Variants in TGFBI observed in about 807,000 individuals in gnomAD.
The protein encoded by TGFBI is transforming growth factor-beta-induced protein ig-h3.
In TGFBI, 50 loss-of-function variants were observed where a neutral mutation model predicts 73.7. The ratio of observed to expected loss-of-function variants is 0.68; its 90% CI spans 0.54 to 0.86. The LOEUF (loss-of-function observed/expected upper bound fraction) is 0.86, where lower values mean the gene tolerates loss of function less well. Ranked by LOEUF, TGFBI falls within the 40% of genes least tolerant of loss-of-function variation. TGFBI has a pLI of 0.00. For missense variants in TGFBI, 839 were observed against 877.0 expected, an observed-to-expected ratio of 0.96 and a Z score of 0.55; for synonymous variants, 362 against 360.5, an observed-to-expected ratio of 1.00 and a Z score of -0.05.
intron 1 of TGFBI, among the ~76,000 whole-genome samples, chr5:136,029,449 A>G (rs1419257397): frequency 6.6e-6 from 1 of 152,184 alleles, no homozygotes; most frequent in Admixed American, 6.5e-5. Flanking sequence ...CTTTCGACGC[A>G]GGCCAAGAGC....
intron 12 of TGFBI, among the ~76,000 whole-genome samples, chr5:136,057,436 G>T (rs1389843764): frequency 1.3e-5 from 2 of 152,118 alleles, no homozygotes; most frequent in African/African-American, 4.8e-5. Context: ...TTTGGCAGGG[G>T]ATCTAGTGGT....
chr5:136,035,624 C>CAAAA (rs1191524920), intron 2 of TGFBI, among the ~76,000 whole-genome samples: 2 of 71,808 alleles, frequency 2.8e-5, no homozygotes, highest in East Asian at 4.3e-4. Context: ...GACACCGTCT[C>CAAAA]AAAAAAAAAA....
rs759594015 is a variant in TGFBI, at chr5:136,054,097, A to T, written c.1264+17A>T. ...TATTCAAAGGTAACATGGGGAAGGCATCCCTGTTAGATTGTCCCTGGAGGC... is the reference window on the plus strand; with the variant it reads ...TATTCAAAGGTAACATGGGGAAGGCTTCCCTGTTAGATTGTCCCTGGAGGC... On this transcript the variant is annotated intron_variant, in intron 9 of 16. Transcript: ENST00000442011. 1.2e-6 allele frequency: 2 copies of T among 1,610,290 alleles called. No individual in the cohort carries two copies. Among genetic ancestry groups the T allele is most frequent in the African/African-American group, 1.3e-5 (1 of 74,956 alleles).
At chr5:136,032,182 T>G (rs1017939787) in intron 1 of TGFBI, among the ~76,000 whole-genome samples, 1 of 152,164 alleles carries the variant, frequency 6.6e-6, no homozygotes, top group African/African-American at 2.4e-5. Flanking sequence ...GAGGATTTGG[T>G]CAGGCCCAGC....
intron 16 of TGFBI, 139 bp downstream of exon 16, chr5:136,062,826 G>A: frequency 1.1e-6 from 1 of 938,622 alleles, no homozygotes; most frequent in Non-Finnish European, 1.6e-6. Context: ...AGTCAGAACA[G>A]CAGGGTGACT....
chr5:136,061,760 C>G (rs983676469), intron 15 of TGFBI, 181 bp downstream of exon 15: 1 of 666,486 alleles, frequency 1.5e-6, no homozygotes, highest in Non-Finnish European at 2.7e-6. Context: ...AGTAAAGAAC[C>G]AAGGCAACTC....
chr5:136,043,995 C>A (rs1580712983), intron 2 of TGFBI, 63 bp from the exon 3 acceptor site: 1 of 1,420,888 alleles, frequency 7.0e-7, no homozygotes, highest in Non-Finnish European at 9.9e-7. Context: ...TGGAGAGGGG[C>A]CAGATGACCT....
At chr5:136,032,247 C>T (rs1414791489) in intron 1 of TGFBI, among the ~76,000 whole-genome samples, 1 of 152,212 alleles carries the variant, frequency 6.6e-6, no homozygotes, top group Non-Finnish European at 1.5e-5. Context: ...CCAGCCTTCA[C>T]TTCTCTTGTC....
At position 136,063,216 on chromosome 5, in the gene TGFBI, T is replaced by A. The variant is rs1226272672; in HGVS notation, c.2042T>A (p.Met681Lys). ...GTCTATCAAAAGTTATTAGAGAGGA[T>A]GAAGCATTAGCTTGAAGCACTACAG... ...APVYQKLLER[M>K]KH Residue 681 changes from methionine (M) to lysine (K), a missense_variant, in exon 17 of 17, where the codon ATG becomes AAG. By Grantham distance (95) the Met-to-Lys change is moderately conservative. Transcript: ENST00000442011. 6.2e-7 allele frequency: 1 copy of A among 1,613,842 alleles called. No homozygotes were observed. Among genetic ancestry groups the A allele is most frequent in the Non-Finnish European group, 8.5e-7 (1 of 1,179,792 alleles).
Position 136,056,703 on chromosome 5 carries a change from A to G in TGFBI, c.1586A>G (p.Glu529Gly), listed in dbSNP as rs767742299. The change falls in exon 12 of 17, where the codon GAG (glutamate) becomes GGG (glycine). Residue 529 changes from glutamate to glycine, a missense_variant. Transcript: ENST00000442011. The part of the protein sequence containing the change: ...VAAIQSAGLT[E>G]TLNREGVYTV... ...GCCATCCAGTCTGCAGGACTGACGG[A>G]GACCCTCAACCGGGAAGGAGTCTAC... 2.5e-6 allele frequency: 4 copies of G among 1,613,940 alleles called. No individual in the cohort carries two copies. Among genetic ancestry groups the G allele is most frequent in the Non-Finnish European group, 3.4e-6 (4 of 1,179,874 alleles).
intron 12 of TGFBI, among the ~76,000 whole-genome samples, chr5:136,057,482 A>G (rs1432974725): frequency 6.6e-6 from 1 of 152,130 alleles, no homozygotes; most frequent in African/African-American, 2.4e-5. Context: ...AGGTAAGAGT[A>G]TCTTGCAGCC....
chr5:136,029,674 C>T (rs1751080220), intron 1 of TGFBI, among the ~76,000 whole-genome samples: 1 of 152,358 alleles, frequency 6.6e-6, no homozygotes, highest in Admixed American at 6.5e-5. Flanking sequence ...GGCTCCTGTG[C>T]TCCTGGCCAG....
At chr5:136,040,393 G>A (rs911554432) in intron 2 of TGFBI, among the ~76,000 whole-genome samples, 6 of 152,130 alleles carry the variant, frequency 3.9e-5, no homozygotes, top group Admixed American at 1.3e-4. Flanking sequence ...CCTGAGCTCC[G>A]CCTCCTGTCA....
At chr5:136,058,290 T>C (rs1044240040) in intron 12 of TGFBI, among the ~76,000 whole-genome samples, 3 of 152,220 alleles carry the variant, frequency 2.0e-5, no homozygotes, top group African/African-American at 4.8e-5. Flanking sequence ...AGTTTCAAGA[T>C]GCTGGAAATA....
At chr5:136,044,023 C>T in intron 2 of TGFBI, 35 bp from the exon 3 acceptor site, 3 of 1,591,808 alleles carry the variant, frequency 1.9e-6, no homozygotes, top group Non-Finnish European at 2.6e-6. Flanking sequence ...ACAGTGAAGC[C>T]CTGCCTAACA....
chr5:136,033,660 C>G (rs1198285774), intron 1 of TGFBI, 103 bp from the exon 2 acceptor site: 5 of 889,482 alleles, frequency 5.6e-6, no homozygotes, highest in Non-Finnish European at 7.2e-6. Flanking sequence ...TCTCCTCTAT[C>G]TCTAGAAAGT....
chr5:136,054,923 GT>G (rs1319796096), intron 10 of TGFBI, 62 bp downstream of exon 10: 1 of 1,560,100 alleles, frequency 6.4e-7, no homozygotes, highest in East Asian at 2.3e-5. Flanking sequence ...TTGTATTAGT[GT>G]AAAAAAAAAT....
At position 136,055,799 on chromosome 5, in the gene TGFBI, G is replaced by C. The variant is rs761324414; in HGVS notation, c.1530G>C (p.Lys510Asn). Residue 510 changes from lysine to asparagine, a missense_variant, in exon 11 of 17, where the codon AAG (lysine) becomes AAC (asparagine). Lys to Asn is a moderately conservative substitution (Grantham distance 94). Transcript: ENST00000442011. ...PPMGTVMDVL[K>N]GDNRFSMLVA... Reference sequence around the variant, plus strand: ...TGGGGACTGTCATGGATGTCCTGAAGGGAGACAATCGCTTTAGGTAATTAG... The same window carrying C: ...TGGGGACTGTCATGGATGTCCTGAACGGAGACAATCGCTTTAGGTAATTAG... 6.2e-7 allele frequency: 1 copy of C among 1,609,806 alleles called. No individual in the cohort carries two copies.
intron 2 of TGFBI, among the ~76,000 whole-genome samples, chr5:136,034,703 G>A (rs1310932526): frequency 6.6e-6 from 1 of 152,084 alleles, no homozygotes; most frequent in Non-Finnish European, 1.5e-5. Flanking sequence ...GGAATCAGGT[G>A]CATGTTCTAA....
Sources: allele counts gnomAD v4.1 joint callset (sites outside exome capture counted in the v4.1 genomes callset), GRCh38; gene constraint gnomAD v4.1.1; transcripts MANE v1.5; gene names NCBI Gene and HGNC (gene_info 2026-07-23, HGNC 2026-07-21).